CACNB2: variants seen among roughly 807,000 people sequenced by gnomAD.
CACNB2 encodes the protein calcium voltage-gated channel auxiliary subunit beta 2.
CACNB2 carries 42 observed loss-of-function variants against 73.3 expected under a neutral mutation model. The ratio of observed to expected loss-of-function variants is 0.57; its 90% CI spans 0.45 to 0.74. CACNB2 has a LOEUF of 0.74. Ranked by LOEUF, CACNB2 falls within the 30% of genes least tolerant of loss-of-function variation. The probability of loss-of-function intolerance (pLI) is 0.00; values close to 1 mark genes in which losing one functional copy is unlikely to be tolerated. For missense variants in CACNB2, 940 were observed against 853.0 expected (o/e 1.10, Z -1.27); for synonymous variants, 348 against 310.3 (o/e 1.12, Z -1.28).
intron 2 of CACNB2, among the ~76,000 whole-genome samples, chr10:18,308,160 AT>A (rs2039817000): frequency 6.6e-6 from 1 of 151,576 alleles, no homozygotes; most frequent in Non-Finnish European, 1.5e-5. Flanking sequence ...TGCCAGGCTA[AT>A]TTTTGTATTT....
At chr10:18,386,526 C>T (rs2043242342) in intron 2 of CACNB2, among the ~76,000 whole-genome samples, 1 of 151,444 alleles carries the variant, frequency 6.6e-6, no homozygotes, top group Admixed American at 6.6e-5. Context: ...CCTCAGCCTC[C>T]CAAGTAGCTG....
intron 2 of CACNB2, among the ~76,000 whole-genome samples, chr10:18,354,369 A>G (rs1187309581): frequency 1.3e-5 from 2 of 151,986 alleles, no homozygotes; most frequent in Non-Finnish European, 2.9e-5. Flanking sequence ...GGTCCCAACC[A>G]CCACCCAACT....
chr10:18,258,757 A>G (rs2037395618), intron 2 of CACNB2, among the ~76,000 whole-genome samples: 1 of 152,024 alleles, frequency 6.6e-6, no homozygotes. Context: ...ACAAAAAACA[A>G]AAAAAAACTT....
intron 2 of CACNB2, among the ~76,000 whole-genome samples, chr10:18,369,100 C>T (rs1304355530): frequency 6.6e-6 from 1 of 152,112 alleles, no homozygotes; most frequent in Non-Finnish European, 1.5e-5. Context: ...AGTATTAGGA[C>T]ATAAATTTGA....
intron 2 of CACNB2, among the ~76,000 whole-genome samples, chr10:18,297,772 T>A (rs2039337345): frequency 6.6e-6 from 1 of 152,132 alleles, no homozygotes; most frequent in Middle Eastern, 3.2e-3. Context: ...CGTTTTGCTG[T>A]GATAACAACT....
chr10:18,154,608 C>G (rs554633599), intron 2 of CACNB2, among the ~76,000 whole-genome samples: 1 of 152,268 alleles, frequency 6.6e-6, no homozygotes, highest in East Asian at 1.9e-4. Context: ...GCTGGGATTA[C>G]AGGTGTGCAC....
At chr10:18,533,359 C>G (rs1343574127) in intron 10 of CACNB2, 1 of 151,230 alleles carries the variant, frequency 6.6e-6, no homozygotes, top group African/African-American at 2.4e-5. Flanking sequence ...AAAATTCGGT[C>G]AGACAGTCCG....
intron 2 of CACNB2, among the ~76,000 whole-genome samples, chr10:18,315,129 C>A (rs181436929): frequency 6.6e-6 from 1 of 151,912 alleles, no homozygotes; most frequent in African/African-American, 2.4e-5. Flanking sequence ...GTCAGGAGTT[C>A]GAGACCAGCC....
At chr10:18,337,246 C>G (rs895119851) in intron 2 of CACNB2, among the ~76,000 whole-genome samples, 1 of 152,128 alleles carries the variant, frequency 6.6e-6, no homozygotes, top group Admixed American at 6.5e-5. Context: ...CCTCCCATCT[C>G]AGCCTCCTGA....
intron 3 of CACNB2, among the ~76,000 whole-genome samples, chr10:18,458,152 T>C (rs2132655331): frequency 6.6e-6 from 1 of 152,350 alleles, no homozygotes; most frequent in Middle Eastern, 3.4e-3. Flanking sequence ...TTTTAGACTA[T>C]GCAAACATTT....
At chr10:18,143,353 TGAAAA>T (rs936117491) in intron 1 of CACNB2, among the ~76,000 whole-genome samples, 1 of 152,036 alleles carries the variant, frequency 6.6e-6, no homozygotes, top group Non-Finnish European at 1.5e-5. Context: ...GAAAAAGAGA[TGAAAA>T]GATAATGGAT....
chr10:18,474,702 C>T (rs1282535581), intron 3 of CACNB2, among the ~76,000 whole-genome samples: 1 of 152,022 alleles, frequency 6.6e-6, no homozygotes, highest in Non-Finnish European at 1.5e-5. Context: ...ATTGCAGCAC[C>T]GAAAGGAAAA....
chr10:18,358,345 C>T (rs1012934143), intron 2 of CACNB2, among the ~76,000 whole-genome samples: 1 of 152,206 alleles, frequency 6.6e-6, no homozygotes, highest in Non-Finnish European at 1.5e-5. Context: ...ACCTCAGACT[C>T]CCAGAGTCCT....
intron 2 of CACNB2, among the ~76,000 whole-genome samples, chr10:18,375,849 G>A (rs1394394463): frequency 6.6e-6 from 1 of 152,144 alleles, no homozygotes; most frequent in Non-Finnish European, 1.5e-5. Context: ...TTGGACAACA[G>A]AAATATTTTT....
chr10:18,179,342 G>A (rs779762028), intron 2 of CACNB2, among the ~76,000 whole-genome samples: 5 of 152,108 alleles, frequency 3.3e-5, no homozygotes, highest in Non-Finnish European at 5.9e-5. Flanking sequence ...AAGGTCTTCC[G>A]TGCCTCTGGG....
intron 2 of CACNB2, among the ~76,000 whole-genome samples, chr10:18,178,730 G>C (rs2033727830): frequency 6.6e-6 from 1 of 152,208 alleles, no homozygotes; most frequent in African/African-American, 2.4e-5. Flanking sequence ...CAGTGTTCCT[G>C]CTTTTGCTAC....
chr10:18,539,527 G>T lies in CACNB2; in HGVS notation c.1786G>T (p.Gly596Trp), dbSNP rs751230406. Residue 596 changes from glycine to tryptophan, a missense_variant, in exon 14 of 14, where the codon GGG (glycine) becomes TGG (tryptophan). Physicochemically the swap from Gly to Trp is radical, Grantham distance 184 (BLOSUM62 -2). Coordinates refer to ENST00000324631, the MANE Select transcript of CACNB2 (RefSeq NM_201596.3). ...RDHNHRDETHGSSDHRHRESR... is the reference protein window; with the variant it reads ...RDHNHRDETHWSSDHRHRESR... Reference sequence around the variant, plus strand: ...CCACAACCACAGAGACGAGACCCACGGGAGCAGTGACCACAGACACAGGGA... The same window carrying T: ...CCACAACCACAGAGACGAGACCCACTGGAGCAGTGACCACAGACACAGGGA... 1 of 1,613,738 alleles carries T rather than the reference G, an allele frequency of 6.2e-7. No homozygotes were observed. The highest frequency in any genetic ancestry group is 2.2e-5 in the East Asian group (1 of 44,834).
At chr10:18,444,652 C>T (rs572221600) in intron 3 of CACNB2, among the ~76,000 whole-genome samples, 4 of 152,236 alleles carry the variant, frequency 2.6e-5, no homozygotes, top group Non-Finnish European at 5.9e-5. Flanking sequence ...GTTTAGTACC[C>T]GAGTGAGTTC....
chr10:18,180,387 T>G (rs1006625724), intron 2 of CACNB2, among the ~76,000 whole-genome samples: 2 of 152,112 alleles, frequency 1.3e-5, no homozygotes, highest in Admixed American at 1.3e-4. Context: ...TCAAATCTCC[T>G]TGTCTTTTTC....
Sources: allele counts gnomAD v4.1 joint callset (sites outside exome capture counted in the v4.1 genomes callset), GRCh38; gene constraint gnomAD v4.1.1; transcripts MANE v1.5; gene names NCBI Gene and HGNC (gene_info 2026-07-23, HGNC 2026-07-21).